The following NKX2-6 variants were observed in gnomAD, a reference collection of about 807,000 sequenced individuals.
NKX2-6 encodes the protein homeobox protein Nkx-2.6.
Under a neutral mutation model 8.6 loss-of-function variants are expected in NKX2-6, and 8 were observed. The ratio of observed to expected loss-of-function variants is 0.93; its 90% CI spans 0.54 to 1.67. The LOEUF (loss-of-function observed/expected upper bound fraction) is 1.67. NKX2-6 is among the 40% of genes most tolerant of loss of function. The pLI is 0.00. For missense variants in NKX2-6, 475 were observed against 423.1 expected (o/e 1.12, Z -1.08); for synonymous variants, 210 against 199.3 (o/e 1.05, Z -0.45).
chr8:23,702,327 G>T lies in NKX2-6; in HGVS notation c.*124C>A. On this transcript the variant is annotated 3_prime_UTR_variant, in exon 2 of 2. Coordinates refer to ENST00000325017, the MANE Select transcript of NKX2-6 (RefSeq NM_001136271.3). ...AGATCGCAGTTTCAGAGATCCCTCC[G>T]GAAAGAAGCGCCGTTGGGTAGCAGC... The T allele has an allele frequency of 1.8e-6, 2 of 1,121,476 alleles. No individual in the cohort carries two copies. Among genetic ancestry groups the T allele is most frequent in the Non-Finnish European group, 2.4e-6 (2 of 822,212 alleles). 69.5% of individuals were successfully genotyped at this position (1,121,476 alleles called of 1,614,324 possible).
intron 1 of NKX2-6, among the ~76,000 whole-genome samples, chr8:23,705,304 G>A (rs1801072817): frequency 6.6e-6 from 1 of 152,230 alleles, no homozygotes; most frequent in Non-Finnish European, 1.5e-5. Context: ...CCGGCCTGCA[G>A]GCCGGTAAAT....
At chr8:23,704,692 T>G (rs1424667515) in intron 1 of NKX2-6, among the ~76,000 whole-genome samples, 2 of 152,210 alleles carry the variant, frequency 1.3e-5, no homozygotes, top group Non-Finnish European at 1.5e-5. Flanking sequence ...TCAGATAAAC[T>G]GAGGCCATCT....
chr8:23,703,937 C>T (rs996511606), intron 1 of NKX2-6, among the ~76,000 whole-genome samples: 1 of 152,094 alleles, frequency 6.6e-6, no homozygotes, highest in Admixed American at 6.5e-5. Context: ...GTCAAGAAGG[C>T]GCAAACTCGG....
At chr8:23,704,356 A>G (rs1801058469) in intron 1 of NKX2-6, among the ~76,000 whole-genome samples, 1 of 151,780 alleles carries the variant, frequency 6.6e-6, no homozygotes, top group Non-Finnish European at 1.5e-5. Context: ...ACCCAGGGCG[A>G]CCCCTACAGC....
intron 1 of NKX2-6, 78 bp downstream of exon 1, chr8:23,706,247 T>C: frequency 7.2e-7 from 1 of 1,387,960 alleles, no homozygotes. Context: ...AGGAGGCGTA[T>C]TTTCCCCATG....
rs1369416257 is a variant in NKX2-6 at position 23,702,923 on chromosome 8, A to G, written c.434T>C (p.Leu145Pro). ...CTGCTTGAAGCGCCGCTCCAGGGCCAGCACCTGCGCCTGCGAAAAGAGCAC... is the reference window on the plus strand; with the variant it reads ...CTGCTTGAAGCGCCGCTCCAGGGCCGGCACCTGCGCCTGCGAAAAGAGCAC... ...PRVLFSQAQV[L>P]ALERRFKQQR... Residue 145 changes from leucine to proline, a missense_variant, in exon 2 of 2, where the codon CTG becomes CCG. Physicochemically the swap from Leu to Pro is moderately conservative, Grantham distance 98. Coordinates refer to ENST00000325017, the MANE Select transcript of NKX2-6 (RefSeq NM_001136271.3). 2 of 1,550,540 alleles carry G rather than the reference A, an allele frequency of 1.3e-6. No homozygotes were observed. Among genetic ancestry groups the G allele is most frequent in the African/African-American group, 1.4e-5 (1 of 73,050 alleles).
At position 23,702,775 on chromosome 8, in the gene NKX2-6, CTT is replaced by C; in HGVS notation, c.580_581del (p.Lys194ValfsTer165). On this transcript the variant is annotated frameshift_variant, in exon 2 of 2. Coordinates refer to ENST00000325017, the MANE Select transcript of NKX2-6 (RefSeq NM_001136271.3). LOFTEE classifies it low-confidence loss of function (END_TRUNC). ...GAGGGTGGCCAGCCAGTTCCAGCGACTTGTCCTGGCGCTGTCTCTTGCATTTG... is the reference window on the plus strand; with the variant it reads ...GAGGGTGGCCAGCCAGTTCCAGCGACGTCCTGGCGCTGTCTCTTGCATTTG... ...RYKCKRQRQDKSLELAGHPLT... is the reference protein window; with the variant it reads ...RYKCKRQRQDXSLELAGHPLT... The C allele has an allele frequency of 6.4e-7, 1 of 1,558,182 alleles. No homozygotes were observed. Among genetic ancestry groups the C allele is most frequent in the Non-Finnish European group, 8.7e-7 (1 of 1,150,602 alleles).
At position 23,702,987 on chromosome 8, in the gene NKX2-6, A is replaced by G. The variant is rs1176203185; in HGVS notation, c.370T>C (p.Ser124Pro). ...CGTTGCCGCGCCTTGGGCTGCTCCG[A>G]GCGGCCACCCCGCACGCTGTCGCCG... ...NSGDSVRGGR[S>P]EQPKARQRRK... The change falls in exon 2 of 2, where the codon TCG becomes CCG. Residue 124 changes from serine (S) to proline (P), a missense_variant. Coordinates refer to ENST00000325017, the MANE Select transcript of NKX2-6 (RefSeq NM_001136271.3). 6.5e-7 allele frequency: 1 copy of G among 1,542,538 alleles called. No individual in the cohort carries two copies. Among genetic ancestry groups the G allele is most frequent in the South Asian group, 1.2e-5 (1 of 83,780 alleles).
At position 23,702,601 on chromosome 8, in the gene NKX2-6, G is replaced by T. The variant is rs1430347321; in HGVS notation, c.756C>A (p.Tyr252Ter). 2.6e-6 allele frequency: 4 copies of T among 1,546,948 alleles called. No homozygotes were observed. The change falls in exon 2 of 2, where the codon TAC (tyrosine) becomes TAA (stop). Residue 252 changes from tyrosine to a stop codon, truncating the protein, a stop_gained. Coordinates refer to ENST00000325017, the MANE Select transcript of NKX2-6 (RefSeq NM_001136271.3). LOFTEE classifies it low-confidence loss of function (END_TRUNC). Reference sequence around the variant, plus strand: ...CGTAGCAGGTGCCGTAGCCTGCGCCGTAGGGTGCTCCGCTGTAGCCTCCGT... The same window carrying T: ...CGTAGCAGGTGCCGTAGCCTGCGCCTTAGGGTGCTCCGCTGTAGCCTCCGT... ...SCYGGYSGAP[Y>*]GAGYGTCYAG...
At position 23,706,410 on chromosome 8, in the gene NKX2-6, A is replaced by G; in HGVS notation, c.189T>C (p.Gly63=). The change falls in exon 1 of 2, where the codon GGT becomes GGC. Residue 63 remains glycine, a synonymous_variant. Coordinates refer to ENST00000325017, the MANE Select transcript of NKX2-6 (RefSeq NM_001136271.3). ...SEVHNAGGGG[G]DRKLDGSEPP... ...GCTCCGAACCATCCAGCTTTCTGTC[A>G]CCGCCGCCGCCACCAGCGTTGTGAA... 1 of 1,550,586 alleles carries G rather than the reference A, an allele frequency of 6.4e-7. No individual in the cohort carries two copies. The highest frequency in any genetic ancestry group is 8.7e-7 in the Non-Finnish European group (1 of 1,146,820).
At chr8:23,706,214 A>G (rs778823254) in intron 1 of NKX2-6, 111 bp downstream of exon 1, 2 of 1,148,922 alleles carry the variant, frequency 1.7e-6, no homozygotes, top group Non-Finnish European at 2.4e-6. Context: ...GAGAAAATGG[A>G]GAGAGTCTCG....
chr8:23,703,762 G>A (rs1255056731), intron 1 of NKX2-6, among the ~76,000 whole-genome samples: 1 of 152,186 alleles, frequency 6.6e-6, no homozygotes, highest in Non-Finnish European at 1.5e-5. Context: ...AACCTTCGCT[G>A]TGAGGAACAA....
chr8:23,706,070 A>G (rs1801084806), intron 1 of NKX2-6, among the ~76,000 whole-genome samples: 1 of 152,122 alleles, frequency 6.6e-6, no homozygotes. Flanking sequence ...GTTTGTGGGA[A>G]TCAGAGGAGC....
intron 1 of NKX2-6, among the ~76,000 whole-genome samples, chr8:23,705,125 G>A (rs1303871115): frequency 6.6e-6 from 1 of 152,252 alleles, no homozygotes; most frequent in African/African-American, 2.4e-5. Flanking sequence ...GCTGCGAGGC[G>A]ACTGTGGTGG....
rs1038069113 is a variant in NKX2-6, at chr8:23,702,340, G to A, written c.*111C>T. 1.6e-5 allele frequency: 20 copies of A among 1,221,324 alleles called. No individual in the cohort carries two copies. The highest frequency in any genetic ancestry group is 6.1e-5 in the African/African-American group (4 of 65,204). 75.7% of individuals were successfully genotyped at this position (1,221,324 alleles called of 1,614,324 possible). On this transcript the variant is annotated 3_prime_UTR_variant, in exon 2 of 2. Transcript: ENST00000325017. ...AGAGATCCCTCCGGAAAGAAGCGCC[G>A]TTGGGTAGCAGCTTCCTTCCAGCGC...
At position 23,702,995 on chromosome 8, in the gene NKX2-6, C is replaced by T. The variant is rs762342897; in HGVS notation, c.362G>A (p.Gly121Asp). The change falls in exon 2 of 2, where the codon GGT becomes GAT. Residue 121 changes from glycine (G) to aspartate (D), a missense_variant. By Grantham distance (94) the Gly-to-Asp change is moderately conservative. Coordinates refer to ENST00000325017, the MANE Select transcript of NKX2-6 (RefSeq NM_001136271.3). ...CGCCTTGGGCTGCTCCGAGCGGCCACCCCGCACGCTGTCGCCGCTGTTGCC... is the reference window on the plus strand; with the variant it reads ...CGCCTTGGGCTGCTCCGAGCGGCCATCCCGCACGCTGTCGCCGCTGTTGCC... ...GVGNSGDSVR[G>D]GRSEQPKARQ... 1.2e-5 allele frequency: 19 copies of T among 1,541,722 alleles called. No homozygotes were observed. The highest frequency in any genetic ancestry group is 7.2e-5 in the South Asian group (6 of 83,774).
intron 1 of NKX2-6, among the ~76,000 whole-genome samples, chr8:23,704,318 G>A (rs1801057935): frequency 6.6e-6 from 1 of 152,184 alleles, no homozygotes; most frequent in Non-Finnish European, 1.5e-5. Flanking sequence ...AGCAGGTGGT[G>A]TGGGCTTCAC....
At chr8:23,704,934 T>G (rs1165147754) in intron 1 of NKX2-6, among the ~76,000 whole-genome samples, 2 of 152,196 alleles carry the variant, frequency 1.3e-5, no homozygotes, top group Non-Finnish European at 2.9e-5. Context: ...GAGGAAGGCA[T>G]GAAGCCCACC....
rs1467724781 is a variant in NKX2-6 at position 23,702,986 on chromosome 8, G to C, written c.371C>G (p.Ser124Trp). Reference protein sequence around the residue: ...NSGDSVRGGRSEQPKARQRRK... With the variant: ...NSGDSVRGGRWEQPKARQRRK... Reference sequence around the variant, plus strand: ...TCGTTGCCGCGCCTTGGGCTGCTCCGAGCGGCCACCCCGCACGCTGTCGCC... The same window carrying C: ...TCGTTGCCGCGCCTTGGGCTGCTCCCAGCGGCCACCCCGCACGCTGTCGCC... The change falls in exon 2 of 2, where the codon TCG becomes TGG. Residue 124 changes from serine (S) to tryptophan (W), a missense_variant. Transcript: ENST00000325017. 1 of 1,542,406 alleles carries C rather than the reference G, an allele frequency of 6.5e-7. No individual in the cohort carries two copies. Among genetic ancestry groups the C allele is most frequent in the Non-Finnish European group, 8.7e-7 (1 of 1,145,058 alleles).
Sources: gnomAD v4.1 joint callset for allele counts (sites outside exome capture counted in the v4.1 genomes callset) on GRCh38, gnomAD v4.1.1 for gene constraint, MANE v1.5 for transcripts, NCBI Gene and HGNC (gene_info 2026-07-23, HGNC 2026-07-21) for gene names.